The following SHC3 variants were observed in gnomAD, a reference collection of about 807,000 sequenced individuals.
SHC3 encodes SHC adaptor protein 3, also known as SHC-transforming protein 3.
Under a neutral mutation model 60.4 loss-of-function variants are expected in SHC3, and 15 were observed. The observed-to-expected ratio is 0.25, with a 90% CI of 0.17 to 0.38. The LOEUF is 0.38. Among genes scored for constraint, SHC3 ranks in the 10% least tolerant of loss-of-function variants. The probability of loss-of-function intolerance (pLI) is 1.00; values close to 1 mark genes in which losing one functional copy is unlikely to be tolerated. For synonymous variants in SHC3, 294 were observed against 325.9 expected (o/e 0.90, Z 1.05); for missense variants, 677 against 786.1 (o/e 0.86, Z 1.66).
chr9:89,033,028 G>A (rs530932737), intron 11 of SHC3, among the ~76,000 whole-genome samples: 2 of 136,248 alleles, frequency 1.5e-5, no homozygotes, highest in East Asian at 2.4e-4. Flanking sequence ...CCCCCCCACC[G>A]AAGAACAGTC....
In SHC3 at chr9:89,158,721, T is replaced by G. The variant is rs1005819490; in HGVS notation, c.474+19266A>C. Among the ~76,000 whole-genome samples the G allele has an allele frequency of 7.9e-5, 12 of 152,254 alleles. No homozygotes were observed. The South Asian group carries it at 2.5e-3, about 31-fold the overall frequency. The stretch of plus-strand genomic sequence containing the variant: ...TGTTACAAGGATGGGTTCATACACA[T>G]GCTTTGTTTCACCACGCTGTTTTCA... On this transcript the variant is annotated intron_variant, in intron 1 of 11. Coordinates refer to ENST00000375835, the MANE Select transcript of SHC3 (RefSeq NM_016848.6).
At chr9:89,062,785 C>T (rs1326266770) in intron 6 of SHC3, among the ~76,000 whole-genome samples, 1 of 152,226 alleles carries the variant, frequency 6.6e-6, no homozygotes. Flanking sequence ...TTTCTTGCTA[C>T]TCTGCCCAGT....
At chr9:89,169,218 T>G (rs1343411105) in intron 1 of SHC3, among the ~76,000 whole-genome samples, 1 of 152,186 alleles carries the variant, frequency 6.6e-6, no homozygotes, top group African/African-American at 2.4e-5. Flanking sequence ...TGCCGGACAC[T>G]GAGCAGAGGA....
chr9:89,093,166 C>T (rs1825650523), intron 2 of SHC3, among the ~76,000 whole-genome samples: 2 of 152,198 alleles, frequency 1.3e-5, no homozygotes, highest in African/African-American at 4.8e-5. Flanking sequence ...TACAATTTCA[C>T]ATTCCTACCA....
intron 6 of SHC3, among the ~76,000 whole-genome samples, chr9:89,063,865 T>C (rs1047381006): frequency 1.3e-5 from 2 of 152,234 alleles, no homozygotes; most frequent in African/African-American, 4.8e-5. Context: ...TATCTCCCAC[T>C]AACTGTCTCA....
chr9:89,132,710 T>A (rs890341221), intron 1 of SHC3, among the ~76,000 whole-genome samples: 6 of 152,190 alleles, frequency 3.9e-5, no homozygotes, highest in African/African-American at 1.4e-4. Context: ...TAGCCACATG[T>A]AGAAAGCTGA....
intron 5 of SHC3, among the ~76,000 whole-genome samples, chr9:89,070,775 T>C (rs1195767450): frequency 6.6e-6 from 1 of 152,174 alleles, no homozygotes; most frequent in Non-Finnish European, 1.5e-5. Context: ...AATGCTGATT[T>C]TAAATGCTTA....
At chr9:89,164,978 A>G (rs1337155018) in intron 1 of SHC3, among the ~76,000 whole-genome samples, 2 of 152,240 alleles carry the variant, frequency 1.3e-5, no homozygotes, top group African/African-American at 4.8e-5. Context: ...CCAAGTGGAA[A>G]GATGAATATA....
intron 1 of SHC3, among the ~76,000 whole-genome samples, chr9:89,141,589 C>G (rs1826394603): frequency 6.6e-6 from 1 of 151,818 alleles, no homozygotes. Flanking sequence ...GACCTGTGGG[C>G]TGCACCACAG....
rs541388113 is a variant in SHC3 at position 89,046,968 on chromosome 9, G to A, written c.989C>T (p.Thr330Met). ...DRMQSLDEPWTEEEGDGSDHP... is the reference protein window; with the variant it reads ...DRMQSLDEPWMEEEGDGSDHP... ...GTCTGAGCCATCTCCCTCCTCTTCC[G>A]TCCATGGCTCATCCAGACTCTGCAT... Residue 330 changes from threonine to methionine, a missense_variant, in exon 8 of 12, where the codon ACG becomes ATG. By Grantham distance (81) the Thr-to-Met change is moderately conservative. Coordinates refer to ENST00000375835, the MANE Select transcript of SHC3 (RefSeq NM_016848.6). 23 of 1,604,120 alleles carry A rather than the reference G, an allele frequency of 1.4e-5. No homozygotes were observed. Among genetic ancestry groups the A allele is most frequent in the African/African-American group, 2.7e-5 (2 of 74,726 alleles).
chr9:89,077,695 T>C, intron 3 of SHC3, 145 bp downstream of exon 3: 1 of 914,572 alleles, frequency 1.1e-6, no homozygotes, highest in Non-Finnish European at 1.7e-6. Context: ...GAGAAAGCAA[T>C]CTAAGCCCTT....
At chr9:89,060,010 TGGA>T (rs1825055402) in intron 6 of SHC3, among the ~76,000 whole-genome samples, 2 of 145,054 alleles carry the variant, frequency 1.4e-5, no homozygotes, top group South Asian at 4.5e-4. Context: ...AGGATGGTGG[TGGA>T]GGATGTGGTG....
intron 11 of SHC3, 149 bp from the exon 12 acceptor site, chr9:89,013,724 T>TGCAAAGA: frequency 8.5e-7 from 1 of 1,181,396 alleles, no homozygotes; most frequent in Admixed American, 2.8e-5. Context: ...AGATGCTGTC[T>TGCAAAGA]GCAAAGAGCA....
chr9:89,024,600 G>A (rs972448068), intron 11 of SHC3, among the ~76,000 whole-genome samples: 1 of 152,254 alleles, frequency 6.6e-6, no homozygotes, highest in Admixed American at 6.5e-5. Context: ...CGCGAGTCCT[G>A]CTTCACAGGA....
chr9:89,079,166 A>G (rs1042621894), intron 2 of SHC3, among the ~76,000 whole-genome samples: 1 of 152,190 alleles, frequency 6.6e-6, no homozygotes, highest in African/African-American at 2.4e-5. Context: ...AATGTTTTTG[A>G]TGTTTATGCT....
intron 10 of SHC3, among the ~76,000 whole-genome samples, chr9:89,038,926 C>A (rs1399444696): frequency 6.6e-6 from 1 of 152,220 alleles, no homozygotes; most frequent in Non-Finnish European, 1.5e-5. Context: ...TGAGACCATA[C>A]TTGGTTTCAT....
At position 89,171,556 on chromosome 9, in the gene SHC3, C is replaced by T. The variant is rs545087157; in HGVS notation, c.474+6431G>A. 3.9e-5 allele frequency among the ~76,000 whole-genome samples: 6 copies of T among 152,286 alleles called. No individual in the cohort carries two copies. In the East Asian group the frequency reaches 7.7e-4, roughly 20 times the overall value. On this transcript the variant is annotated intron_variant, in intron 1 of 11. Coordinates refer to ENST00000375835, the MANE Select transcript of SHC3 (RefSeq NM_016848.6). Reference sequence around the variant, plus strand: ...GCCTCTTTTGAGGGGTTCTCCACTTCGGGGAAACCATGCATTTCAGATGAT... The same window carrying T: ...GCCTCTTTTGAGGGGTTCTCCACTTTGGGGAAACCATGCATTTCAGATGAT...
At chr9:89,056,130 G>C (rs1235599837) in intron 6 of SHC3, among the ~76,000 whole-genome samples, 1 of 152,198 alleles carries the variant, frequency 6.6e-6, no homozygotes, top group East Asian at 1.9e-4. Flanking sequence ...TCTTGAATGT[G>C]GAAGGGCTGA....
At chr9:89,078,930 G>A (rs17436148) in intron 2 of SHC3, among the ~76,000 whole-genome samples, 15,297 of 152,264 alleles carry the variant, frequency 0.1, 886 homozygotes, top group Admixed American at 0.13. Flanking sequence ...TACTTCTTCA[G>A]ATTAATTTCT....
Sources: gnomAD v4.1 joint callset for allele counts (sites outside exome capture counted in the v4.1 genomes callset) on GRCh38, gnomAD v4.1.1 for gene constraint, MANE v1.5 for transcripts, NCBI Gene and HGNC (gene_info 2026-07-23, HGNC 2026-07-21) for gene names.